CLNK: variants seen among roughly 807,000 people sequenced by gnomAD.
The protein encoded by CLNK is cytokine dependent hematopoietic cell linker.
In CLNK, 74 loss-of-function variants were observed where a neutral mutation model predicts 68.6. The ratio of observed to expected loss-of-function variants is 1.08; its 90% CI spans 0.89 to 1.31. The LOEUF (loss-of-function observed/expected upper bound fraction) is 1.31, where lower values mean the gene tolerates loss of function less well. Among genes scored for constraint, CLNK ranks in the 50% most tolerant of loss-of-function variants. The pLI is 0.00. For synonymous variants in CLNK, 198 were observed against 172.2 expected, an observed-to-expected ratio of 1.15 and a Z score of -1.17; for missense variants, 553 against 515.3, an observed-to-expected ratio of 1.07 and a Z score of -0.71.
chr4:10,611,566 G>T (rs1212453762), intron 2 of CLNK, among the ~76,000 whole-genome samples: 3 of 151,806 alleles, frequency 2.0e-5, no homozygotes, highest in African/African-American at 7.3e-5. Flanking sequence ...CCTCCCGTGA[G>T]TGCCAGAGGG....
At chr4:10,564,803 T>A in intron 6 of CLNK, 26 bp from the exon 7 acceptor site, 1 of 1,396,036 alleles carries the variant, frequency 7.2e-7, no homozygotes, top group Non-Finnish European at 1.0e-6. Flanking sequence ...AATATGAAAG[T>A]CATACCTTAC....
chr4:10,682,344 G>A (rs1023783391), intron 1 of CLNK, among the ~76,000 whole-genome samples: 2 of 152,136 alleles, frequency 1.3e-5, no homozygotes, highest in Non-Finnish European at 2.9e-5. Context: ...GTACAGCCTA[G>A]AAGAACTCTG....
chr4:10,702,158 C>G, the CLNK span, among the ~76,000 whole-genome samples: 1 of 152,254 alleles, frequency 6.6e-6, no homozygotes, highest in South Asian at 2.1e-4. Context: ...GATCTAATTT[C>G]CATTTTCCAT....
At chr4:10,498,468 G>T (rs1716903515) in intron 18 of CLNK, among the ~76,000 whole-genome samples, 1 of 151,994 alleles carries the variant, frequency 6.6e-6, no homozygotes, top group African/African-American at 2.4e-5. Flanking sequence ...CTCCAGCCTG[G>T]GTGACAGAGC....
rs1029946878 is a variant in CLNK at position 10,486,639 on chromosome 4, A to T, written c.*3828T>A. ...TAGAACAGGAGACTTAACTGATTAC[A>T]GCCATGATGCGGTTACTTAAAAACA... On this transcript the variant is annotated 3_prime_UTR_variant, in exon 19 of 19. Transcript: ENST00000226951. The T allele has an allele frequency of 6.6e-6, 1 of 152,166 alleles. No homozygotes were observed. Among genetic ancestry groups the T allele is most frequent in the Non-Finnish European group, 1.5e-5 (1 of 68,030 alleles). 9.4% of individuals were successfully genotyped at this position (152,166 alleles called of 1,614,324 possible).
the CLNK span, among the ~76,000 whole-genome samples, chr4:10,718,129 G>C: frequency 9.6e-3 from 1,466 of 152,248 alleles, 19 homozygotes; most frequent in African/African-American, 0.034. Flanking sequence ...CAGCAGAACG[G>C]AAGAGTCAGA....
At chr4:10,649,329 C>T (rs1307146838) in intron 2 of CLNK, among the ~76,000 whole-genome samples, 1 of 152,110 alleles carries the variant, frequency 6.6e-6, no homozygotes, top group Non-Finnish European at 1.5e-5. Context: ...AAAGCAGGGA[C>T]TATTCAGAGA....
At chr4:10,707,869 A>G in the CLNK span, among the ~76,000 whole-genome samples, 1 of 152,210 alleles carries the variant, frequency 6.6e-6, no homozygotes, top group African/African-American at 2.4e-5. Context: ...ACATAGAGGT[A>G]AAGAGGCGAT....
chr4:10,707,295 C>G, the CLNK span, among the ~76,000 whole-genome samples: 1 of 152,212 alleles, frequency 6.6e-6, no homozygotes. Flanking sequence ...TGATTACATT[C>G]AAAGCTGTTC....
At chr4:10,668,700 A>G (rs1724507874) in intron 1 of CLNK, among the ~76,000 whole-genome samples, 1 of 152,182 alleles carries the variant, frequency 6.6e-6, no homozygotes, top group African/African-American at 2.4e-5. Flanking sequence ...GGGACCAGGT[A>G]GGCACTGGGA....
chr4:10,635,522 G>C (rs1468417019), intron 2 of CLNK, among the ~76,000 whole-genome samples: 3 of 152,094 alleles, frequency 2.0e-5, no homozygotes, highest in Non-Finnish European at 4.4e-5. Context: ...TCCACCATCT[G>C]TGCTGGATGT....
chr4:10,513,614 C>A lies in CLNK; in HGVS notation c.773-17G>T. 1 of 1,581,742 alleles carries A rather than the reference C, an allele frequency of 6.3e-7. No homozygotes were observed. The highest frequency in any genetic ancestry group is 1.3e-5 in the African/African-American group (1 of 74,254). Reference sequence around the variant, plus strand: ...CTCTATGATCTGGAAAGGTTAAATTCACATTTCAGTGTGATTTTGTGACTG... The same window carrying A: ...CTCTATGATCTGGAAAGGTTAAATTAACATTTCAGTGTGATTTTGTGACTG... On this transcript the variant is annotated splice_polypyrimidine_tract_variant and intron_variant, in intron 15 of 18. Transcript: ENST00000226951.
At chr4:10,713,900 T>C in the CLNK span, among the ~76,000 whole-genome samples, 5 of 152,236 alleles carry the variant, frequency 3.3e-5, no homozygotes, top group East Asian at 3.8e-4. Context: ...TATTCCTTTA[T>C]AGTAATGCAA....
chr4:10,699,233 TACACAC>T, the CLNK span, among the ~76,000 whole-genome samples: 1 of 94,336 alleles, frequency 1.1e-5, no homozygotes, highest in African/African-American at 3.2e-5. Flanking sequence ...TGTGTGTGTA[TACACAC>T]ACATACACAC....
At chr4:10,508,372 G>C (rs921553085) in intron 16 of CLNK, among the ~76,000 whole-genome samples, 1 of 152,106 alleles carries the variant, frequency 6.6e-6, no homozygotes, top group Admixed American at 6.5e-5. Context: ...AGGTGGAAAT[G>C]TATACTGTTT....
chr4:10,729,688 A>C, the CLNK span, among the ~76,000 whole-genome samples: 1 of 152,236 alleles, frequency 6.6e-6, no homozygotes, highest in African/African-American at 2.4e-5. Context: ...GGAAAGTCAA[A>C]TACTGTCATG....
chr4:10,688,039 T>C (rs1195430278), upstream of CLNK, among the ~76,000 whole-genome samples: 2 of 152,160 alleles, frequency 1.3e-5, no homozygotes, highest in African/African-American at 4.8e-5. Context: ...CATATGTAAC[T>C]TGAGGATGAT....
At chr4:10,689,745 A>ATTTTTTTTTTTTTTTTTTTTT (rs71651341), upstream of CLNK, among the ~76,000 whole-genome samples, 16 of 100,082 alleles carry the variant, frequency 1.6e-4, 1 homozygote, top group Non-Finnish European at 2.8e-4. Context: ...AAACCCATGC[A>ATTTTTTTTTTTTTTTTTTTTT]TTTTTTTTTT....
At chr4:10,591,890 C>A (rs1288103238) in intron 3 of CLNK, among the ~76,000 whole-genome samples, 1 of 152,216 alleles carries the variant, frequency 6.6e-6, no homozygotes, top group Non-Finnish European at 1.5e-5. Flanking sequence ...TCTCCTCTTA[C>A]CTATTTTATT....
Sources: allele counts gnomAD v4.1 joint callset (sites outside exome capture counted in the v4.1 genomes callset), GRCh38; gene constraint gnomAD v4.1.1; transcripts MANE v1.5; gene names NCBI Gene and HGNC (gene_info 2026-07-23, HGNC 2026-07-21).